The following PCDHGA1 variants were observed in gnomAD, a reference collection of about 807,000 sequenced individuals.
PCDHGA1 encodes the protein protocadherin gamma subfamily A, 1, also known as protocadherin gamma-A1.
A neutral mutation model predicts 58.0 loss-of-function variants in PCDHGA1; 32 were observed. The ratio of observed to expected loss-of-function variants is 0.55; its 90% CI spans 0.42 to 0.74. PCDHGA1 has a LOEUF of 0.74. Ranked by LOEUF, PCDHGA1 falls within the 30% of genes least tolerant of loss-of-function variation. The pLI is 0.00. For missense variants in PCDHGA1, 1,205 were observed against 1,182.3 expected (o/e 1.02, Z -0.28); for synonymous variants, 498 against 501.1 (o/e 0.99, Z 0.08).
chr5:141,396,908 C>CA (rs1453541436), intron 1 of PCDHGA1, among the ~76,000 whole-genome samples: 1 of 152,146 alleles, frequency 6.6e-6, no homozygotes, highest in African/African-American at 2.4e-5. Flanking sequence ...TGGCACTTTG[C>CA]AATTTTAAAA....
At position 141,491,116 on chromosome 5, in the gene PCDHGA1, GGT is replaced by G. The variant is rs2099708409; in HGVS notation, c.2422-3689_2422-3688del. The G allele has an allele frequency of 1.2e-6, 2 of 1,614,178 alleles. No individual in the cohort carries two copies. Among genetic ancestry groups the G allele is most frequent in the Non-Finnish European group, 1.7e-6 (2 of 1,180,024 alleles). On this transcript the variant is annotated intron_variant, in intron 1 of 3. Transcript: ENST00000517417. This position sits in a 1 kb window ranked among gnomAD's most constrained non-coding sequence, Gnocchi z 6.9. Reference sequence around the variant, plus strand: ...ACTGTTCCTCGTGTCTACACACACTGGTGAGGTGCGCACAGCCCGGGCCTTAC... The same window carrying G: ...ACTGTTCCTCGTGTCTACACACACTGGAGGTGCGCACAGCCCGGGCCTTAC...
chr5:141,420,795 A>G (rs1046945975), intron 1 of PCDHGA1, among the ~76,000 whole-genome samples: 1 of 152,260 alleles, frequency 6.6e-6, no homozygotes, highest in Non-Finnish European at 1.5e-5. Flanking sequence ...AAAACTTTTT[A>G]AAAATTAAGC....
chr5:141,371,047 G>A, intron 1 of PCDHGA1: 1 of 1,613,990 alleles, frequency 6.2e-7, no homozygotes. Flanking sequence ...GTGGATGGGG[G>A]CGAGCCCTCC....
At chr5:141,370,696 C>T in intron 1 of PCDHGA1, 2 of 1,613,694 alleles carry the variant, frequency 1.2e-6, no homozygotes, top group Non-Finnish European at 1.7e-6. Context: ...AAGAAGTCGA[C>T]GTGTGTTCTG....
Position 141,431,994 on chromosome 5 carries a change from G to A in PCDHGA1, c.2422-62813G>A, listed in dbSNP as rs2097434865. ...TTAGTCACAGACATAGTCTTGGATA[G>A]GGAACAGGTTCCTAGCTACAACATC... On this transcript the variant is annotated intron_variant, in intron 1 of 3. Coordinates refer to ENST00000517417, the MANE Select transcript of PCDHGA1 (RefSeq NM_018912.3). The surrounding 1 kb of genome is among the most constrained non-coding windows in gnomAD (Gnocchi z 4.8). 6.2e-7 allele frequency: 1 copy of A among 1,614,188 alleles called. No homozygotes were observed. Among genetic ancestry groups the A allele is most frequent in the Non-Finnish European group, 8.5e-7 (1 of 1,180,038 alleles).
intron 1 of PCDHGA1, chr5:141,371,317 A>G: frequency 1.9e-6 from 3 of 1,613,996 alleles, no homozygotes; most frequent in East Asian, 2.2e-5. Flanking sequence ...GGAGAACTGG[A>G]CTTTGAAGAG....
rs754329108 is a variant in PCDHGA1 at position 141,408,309 on chromosome 5, C to T, written c.2421+75204C>T. 1.8e-5 allele frequency: 29 copies of T among 1,613,698 alleles called. No individual in the cohort carries two copies. The highest frequency in any genetic ancestry group is 2.0e-5 in the Non-Finnish European group (24 of 1,179,730). On this transcript the variant is annotated intron_variant, in intron 1 of 3. Transcript: ENST00000517417. ...ACCCTGAGTGAGCCGATCCGCTACT[C>T]GATTCCGGAGGAGCTGGCCAAGGGC...
At chr5:141,379,736 T>G (rs1361966211) in intron 1 of PCDHGA1, 1 of 152,178 alleles carries the variant, frequency 6.6e-6, no homozygotes, top group Non-Finnish European at 1.5e-5. Context: ...AAGTTATGGC[T>G]AAATGAGGTT....
intron 1 of PCDHGA1, chr5:141,430,655 G>T (rs1309165721): frequency 1.6e-5 from 17 of 1,084,938 alleles, no homozygotes; most frequent in Non-Finnish European, 2.2e-5. Flanking sequence ...TGGAAACAAC[G>T]GAGGAGCTCT....
chr5:141,395,489 A>C (rs1268928793), intron 1 of PCDHGA1: 1 of 480,438 alleles, frequency 2.1e-6, no homozygotes, highest in Non-Finnish European at 3.6e-6. Flanking sequence ...TCCTATTATC[A>C]CTCATTCACT....
rs1403163275 is a variant in PCDHGA1 at position 141,441,708 on chromosome 5, A to T, written c.2422-53099A>T. ...AGAGCAGCCGCGAGCCTTCAAGCTC[A>T]CGCTGCAGGCCCGCGACCAGGACTA... On this transcript the variant is annotated intron_variant, in intron 1 of 3. Coordinates refer to ENST00000517417, the MANE Select transcript of PCDHGA1 (RefSeq NM_018912.3). 2.8e-5 allele frequency: 9 copies of T among 319,492 alleles called. No homozygotes were observed. In the East Asian group the frequency reaches 1.0e-3, roughly 37 times the overall value. 19.8% of individuals were successfully genotyped at this position (319,492 alleles called of 1,614,324 possible).
intron 1 of PCDHGA1, chr5:141,478,942 C>G: frequency 1.7e-6 from 1 of 579,218 alleles, no homozygotes; most frequent in Non-Finnish European, 2.9e-6. Context: ...TCTAGGAATA[C>G]AAAAACTACC....
chr5:141,359,973 A>C, intron 1 of PCDHGA1: 1 of 703,560 alleles, frequency 1.4e-6, no homozygotes, highest in Non-Finnish European at 2.1e-6. Flanking sequence ...AGCGTTTGGG[A>C]GCCTCTTAGA....
chr5:141,389,360 T>C (rs1245411453), intron 1 of PCDHGA1: 4 of 1,613,742 alleles, frequency 2.5e-6, no homozygotes, highest in South Asian at 1.1e-5. Flanking sequence ...TCATGGCCAG[T>C]GACCTGGAGC....
chr5:141,356,178 T>G, intron 1 of PCDHGA1: 1 of 1,612,292 alleles, frequency 6.2e-7, no homozygotes, highest in Non-Finnish European at 8.5e-7. Flanking sequence ...ATGGGCCTGG[T>G]CTCCGAGCTA....
At chr5:141,383,684 T>C in intron 1 of PCDHGA1, 5 of 1,614,014 alleles carry the variant, frequency 3.1e-6, no homozygotes, top group Non-Finnish European at 4.2e-6. Flanking sequence ...ACAAGACTGC[T>C]CACGGTACAT....
intron 1 of PCDHGA1, chr5:141,352,382 G>A: frequency 6.2e-7 from 1 of 1,614,026 alleles, no homozygotes; most frequent in South Asian, 1.1e-5. Flanking sequence ...TCTAGCGATC[G>A]CCCTGCGCCT....
intron 1 of PCDHGA1, among the ~76,000 whole-genome samples, chr5:141,470,714 T>C (rs1416956410): frequency 1.3e-5 from 2 of 152,152 alleles, no homozygotes; most frequent in Non-Finnish European, 2.9e-5. Context: ...TTTTATTTTT[T>C]TGAGTCAGGG....
chr5:141,394,022 A>G (rs1210359800), intron 1 of PCDHGA1: 1 of 1,613,552 alleles, frequency 6.2e-7, no homozygotes, highest in South Asian at 1.1e-5. Flanking sequence ...ATTATTATAG[A>G]TTAGTGACAA....
Sources: gnomAD v4.1 joint callset for allele counts (sites outside exome capture counted in the v4.1 genomes callset) on GRCh38, gnomAD v4.1.1 for gene constraint, Gnocchi (gnomAD v3.1) non-coding constraint, MANE v1.5 for transcripts, NCBI Gene and HGNC (gene_info 2026-07-23, HGNC 2026-07-21) for gene names.